GPC5: variants seen among roughly 807,000 people sequenced by gnomAD.
The protein encoded by GPC5 is glypican-5.
GPC5 carries 47 observed loss-of-function variants against 53.9 expected under a neutral mutation model. The observed-to-expected ratio is 0.87, with a 90% CI of 0.69 to 1.11. The LOEUF is 1.11. Among genes scored for constraint, GPC5 ranks in the 50% most tolerant of loss-of-function variants. GPC5 has a pLI of 0.00. For synonymous variants in GPC5, 286 were observed against 263.3 expected, an observed-to-expected ratio of 1.09 and a Z score of -0.84; for missense variants, 748 against 713.1, an observed-to-expected ratio of 1.05 and a Z score of -0.56.
chr13:92,670,328 CACAG>C (rs1401905748), intron 7 of GPC5, among the ~76,000 whole-genome samples: 1 of 152,160 alleles, frequency 6.6e-6, no homozygotes, highest in Non-Finnish European at 1.5e-5. Flanking sequence ...AGGGAAGTCC[CACAG>C]AAACACAGGA....
At chr13:92,620,851 AG>A (rs1884846365) in intron 7 of GPC5, among the ~76,000 whole-genome samples, 1 of 152,244 alleles carries the variant, frequency 6.6e-6, no homozygotes, top group Admixed American at 6.5e-5. Flanking sequence ...ATCTTTAAAC[AG>A]GTCTGTGGAC....
intron 7 of GPC5, among the ~76,000 whole-genome samples, chr13:92,863,115 A>T (rs567177598): frequency 6.6e-6 from 1 of 151,874 alleles, no homozygotes; most frequent in South Asian, 2.1e-4. Context: ...GAGAGAAAAC[A>T]CTCCTAATGC....
chr13:91,880,606 A>C (rs577454685), intron 5 of GPC5, among the ~76,000 whole-genome samples: 1 of 152,132 alleles, frequency 6.6e-6, no homozygotes, highest in African/African-American at 2.4e-5. Flanking sequence ...CTCGTCAGAC[A>C]TTTTTTGGGA....
At chr13:92,026,937 C>T (rs2040805847) in intron 6 of GPC5, among the ~76,000 whole-genome samples, 2 of 152,130 alleles carry the variant, frequency 1.3e-5, no homozygotes, top group Admixed American at 6.6e-5. Context: ...GCAATTTTAA[C>T]AGAATGTTCT....
chr13:92,277,564 C>G (rs1280901290), intron 7 of GPC5, among the ~76,000 whole-genome samples: 1 of 151,826 alleles, frequency 6.6e-6, no homozygotes, highest in African/African-American at 2.4e-5. Context: ...GATGCATTTC[C>G]TCCTCTGCTG....
At chr13:91,962,850 C>T (rs1255511679) in intron 6 of GPC5, among the ~76,000 whole-genome samples, 1 of 152,102 alleles carries the variant, frequency 6.6e-6, no homozygotes, top group African/African-American at 2.4e-5. Flanking sequence ...GGCCTTCAGG[C>T]CAATTTAGCC....
At chr13:92,136,259 C>T (rs1436488321) in intron 6 of GPC5, among the ~76,000 whole-genome samples, 1 of 152,114 alleles carries the variant, frequency 6.6e-6, no homozygotes. Context: ...ATTTCATACA[C>T]ATTTCCTTAT....
At chr13:92,716,424 C>T (rs1888329151) in intron 7 of GPC5, among the ~76,000 whole-genome samples, 1 of 151,822 alleles carries the variant, frequency 6.6e-6, no homozygotes, top group Admixed American at 6.6e-5. Flanking sequence ...AGGTTGACCA[C>T]ATCTAGAAAG....
intron 7 of GPC5, among the ~76,000 whole-genome samples, chr13:92,318,320 A>T (rs1237130942): frequency 6.6e-6 from 1 of 152,132 alleles, no homozygotes; most frequent in Non-Finnish European, 1.5e-5. Flanking sequence ...GTGTTGTAAT[A>T]CTGCTATCAC....
At chr13:92,231,564 C>T (rs1357414423) in intron 7 of GPC5, among the ~76,000 whole-genome samples, 1 of 148,314 alleles carries the variant, frequency 6.7e-6, no homozygotes, top group East Asian at 1.9e-4. Flanking sequence ...TAAAACTAGT[C>T]GTCATCTCCC....
At chr13:91,619,087 G>T (rs2139353377) in intron 2 of GPC5, among the ~76,000 whole-genome samples, 1 of 152,048 alleles carries the variant, frequency 6.6e-6, no homozygotes, top group Non-Finnish European at 1.5e-5. Context: ...AAAGAGGAGA[G>T]AATTAACTTA....
chr13:92,086,298 C>T lies in GPC5; in HGVS notation c.1402-58532C>T, dbSNP rs2041335542. Among the ~76,000 whole-genome samples, 3 of 152,202 alleles carry T rather than the reference C, an allele frequency of 2.0e-5. No individual in the cohort carries two copies. In the South Asian group the frequency reaches 6.2e-4, roughly 31 times the overall value. On this transcript the variant is annotated intron_variant, in intron 6 of 7. Coordinates refer to ENST00000377067, the MANE Select transcript of GPC5 (RefSeq NM_004466.6). ...TCTTCATTTTTAAGGAAAACTCTGG[C>T]TACAGGCCATCAGATGTTTTTCCCC... is the stretch of plus-strand genomic sequence containing the variant.
chr13:92,828,104 C>T (rs1291591594), intron 7 of GPC5, among the ~76,000 whole-genome samples: 1 of 152,054 alleles, frequency 6.6e-6, no homozygotes, highest in Non-Finnish European at 1.5e-5. Context: ...TCATCCAGAC[C>T]AAAAGAAGTG....
At chr13:92,586,695 GAA>G (rs1389209975) in intron 7 of GPC5, among the ~76,000 whole-genome samples, 146 of 152,302 alleles carry the variant, frequency 9.6e-4, no homozygotes, top group Middle Eastern at 3.4e-3. Flanking sequence ...AGATGGTTGT[GAA>G]TATGACACAG....
intron 7 of GPC5, among the ~76,000 whole-genome samples, chr13:92,811,676 C>G (rs1877304696): frequency 6.6e-6 from 1 of 151,798 alleles, no homozygotes; most frequent in African/African-American, 2.4e-5. Context: ...TTAAGAATTA[C>G]CAAACTCAAA....
At position 92,751,302 on chromosome 13, in the gene GPC5, T is replaced by TAAAAAAAAAAAAAAAAAAAAAAAAAAAAA. The variant is rs1566400471; in HGVS notation, c.1562-114980_1562-114979insAAAAAAAAAAAAAAAAAAAAAAAAAAAAA. 7.6e-4 allele frequency among the ~76,000 whole-genome samples: 26 copies of TAAAAAAAAAAAAAAAAAAAAAAAAAAAAA among 34,422 alleles called. 5 individuals carry two copies. The highest frequency in any genetic ancestry group is 8.6e-4 in the Non-Finnish European group (15 of 17,364). 22.6% of individuals were successfully genotyped at this position (34,422 alleles called of 152,430 possible). On this transcript the variant is annotated intron_variant, in intron 7 of 7. Coordinates refer to ENST00000377067, the MANE Select transcript of GPC5 (RefSeq NM_004466.6). The stretch of plus-strand genomic sequence containing the variant: ...AAAACCTTTGGTCATCCAGAAACAT[T>TAAAAAAAAAAAAAAAAAAAAAAAAAAAAA]TAAAAAAAAAAAAAAAAAAAAAAAA...
chr13:92,585,045 C>A (rs559578720), intron 7 of GPC5, among the ~76,000 whole-genome samples: 1 of 152,040 alleles, frequency 6.6e-6, no homozygotes, highest in Non-Finnish European at 1.5e-5. Context: ...GGAGAACTTC[C>A]GCTAGAGCAG....
intron 6 of GPC5, among the ~76,000 whole-genome samples, chr13:92,076,022 T>A (rs2138872325): frequency 6.6e-6 from 1 of 152,282 alleles, no homozygotes; most frequent in South Asian, 2.1e-4. Context: ...GTGTTCAATA[T>A]CTGTGTGAGA....
At chr13:92,323,268 AT>A (rs2043227720) in intron 7 of GPC5, among the ~76,000 whole-genome samples, 1 of 150,578 alleles carries the variant, frequency 6.6e-6, no homozygotes, top group African/African-American at 2.4e-5. Flanking sequence ...CAAAATAGGT[AT>A]TTTTCCCCAT....
Sources: allele counts gnomAD v4.1 joint callset (sites outside exome capture counted in the v4.1 genomes callset), GRCh38; gene constraint gnomAD v4.1.1; transcripts MANE v1.5; gene names NCBI Gene and HGNC (gene_info 2026-07-23, HGNC 2026-07-21).